SLC24A2: variants seen among roughly 807,000 people sequenced by gnomAD.
SLC24A2 encodes the protein solute carrier family 24 member 2, also known as sodium/potassium/calcium exchanger 2.
Under a neutral mutation model 62.0 loss-of-function variants are expected in SLC24A2, and 36 were observed. The ratio of observed to expected loss-of-function variants is 0.58; its 90% confidence interval spans 0.44 to 0.77. The LOEUF is 0.77. Among genes scored for constraint, SLC24A2 ranks in the 30% least tolerant of loss-of-function variants. The pLI is 0.00. For synonymous variants in SLC24A2, 358 were observed against 294.0 expected (o/e 1.22, Z -2.23); for missense variants, 846 against 817.9 (o/e 1.03, Z -0.42).
chr9:20,205,832 T>TG, the SLC24A2 span, among the ~76,000 whole-genome samples: 2 of 152,190 alleles, frequency 1.3e-5, no homozygotes, highest in African/African-American at 2.4e-5. Flanking sequence ...GCTAGAATTT[T>TG]GGAAAACTCA....
the SLC24A2 span, among the ~76,000 whole-genome samples, chr9:20,074,226 G>A: frequency 6.6e-6 from 1 of 151,926 alleles, no homozygotes. Flanking sequence ...GCAGGAGACT[G>A]TGGTATGAGT....
rs1832849377 is a variant in SLC24A2, at chr9:19,514,401, C to T, written c.*1752G>A. 1 of 152,110 alleles carries T rather than the reference C, an allele frequency of 6.6e-6. No individual in the cohort carries two copies. The highest frequency in any genetic ancestry group is 2.4e-5 in the African/African-American group (1 of 41,412). 9.4% of individuals were successfully genotyped at this position (152,110 alleles called of 1,614,324 possible). A position where few individuals can be genotyped will look rare whatever the true frequency, so the allele number is the denominator to read the frequency against. On this transcript the variant is annotated 3_prime_UTR_variant, in exon 11 of 11. Transcript: ENST00000341998. ...TACCAACTTAGACGTAGGATGGGTA[C>T]AGAATAATGAACCATCCTTGATTCA...
At chr9:20,101,265 G>C in the SLC24A2 span, among the ~76,000 whole-genome samples, 1 of 152,230 alleles carries the variant, frequency 6.6e-6, no homozygotes, top group African/African-American at 2.4e-5. Flanking sequence ...GATGCTGGAG[G>C]AATAGAAGTG....
At chr9:19,547,574 C>T (rs1469532797) in intron 8 of SLC24A2, among the ~76,000 whole-genome samples, 1 of 147,550 alleles carries the variant, frequency 6.8e-6, no homozygotes, top group African/African-American at 2.7e-5. Context: ...CTTTGCCAGC[C>T]CTTTCTCTGA....
At chr9:19,698,551 C>T (rs1820260512) in intron 2 of SLC24A2, among the ~76,000 whole-genome samples, 1 of 152,196 alleles carries the variant, frequency 6.6e-6, no homozygotes, top group Non-Finnish European at 1.5e-5. Context: ...TCTCCTTCAG[C>T]TCTAATATTT....
At chr9:20,220,602 C>T in the SLC24A2 span, among the ~76,000 whole-genome samples, 2 of 152,090 alleles carry the variant, frequency 1.3e-5, no homozygotes, top group African/African-American at 4.8e-5. Flanking sequence ...TATCATAAAC[C>T]CAGAAAGGCA....
chr9:19,518,919 C>T (rs1305902779), intron 10 of SLC24A2, among the ~76,000 whole-genome samples: 1 of 152,040 alleles, frequency 6.6e-6, no homozygotes, highest in Non-Finnish European at 1.5e-5. Context: ...CATGTCAATA[C>T]CCATTAAGAT....
chr9:19,724,149 T>C (rs1821106387), intron 2 of SLC24A2, among the ~76,000 whole-genome samples: 2 of 152,188 alleles, frequency 1.3e-5, no homozygotes, highest in Admixed American at 1.3e-4. Context: ...ATGTTAATGC[T>C]TTTGGAGAAG....
chr9:19,797,458 G>T, the SLC24A2 span, among the ~76,000 whole-genome samples: 1 of 152,138 alleles, frequency 6.6e-6, no homozygotes, highest in East Asian at 1.9e-4. Context: ...TACGAATCAG[G>T]CATTAAAATG....
the SLC24A2 span, among the ~76,000 whole-genome samples, chr9:20,286,729 C>T: frequency 6.6e-6 from 1 of 152,106 alleles, no homozygotes; most frequent in Non-Finnish European, 1.5e-5. Context: ...TAAATCATGA[C>T]ACTTGGGGAA....
chr9:19,766,526 T>C lies in SLC24A2; in HGVS notation c.930+19411A>G, dbSNP rs147578302. On this transcript the variant is annotated intron_variant, in intron 2 of 10. Coordinates refer to ENST00000341998, the MANE Select transcript of SLC24A2 (RefSeq NM_020344.4). ...TTGATGTTGATGCTATTGCTTTCTG[T>C]TTGTTAGTTTTCCTCCTAACAGACA... Among the ~76,000 whole-genome samples, 505 of 152,332 alleles carry C rather than the reference T, an allele frequency of 3.3e-3. 4 individuals carry two copies. Among genetic ancestry groups the C allele is most frequent in the African/African-American group, 0.011 (471 of 41,568 alleles).
chr9:19,716,925 C>G (rs771748414), intron 2 of SLC24A2, among the ~76,000 whole-genome samples: 21 of 152,184 alleles, frequency 1.4e-4, no homozygotes, highest in Non-Finnish European at 2.4e-4. Context: ...TTTGTATGCT[C>G]AAAGGCTGGG....
the SLC24A2 span, among the ~76,000 whole-genome samples, chr9:19,969,318 C>T: frequency 6.6e-6 from 1 of 151,872 alleles, no homozygotes; most frequent in Non-Finnish European, 1.5e-5. Flanking sequence ...AAAACCTAAA[C>T]TTCAGAACTT....
chr9:19,975,075 G>A, the SLC24A2 span, among the ~76,000 whole-genome samples: 1 of 152,112 alleles, frequency 6.6e-6, no homozygotes, highest in Non-Finnish European at 1.5e-5. Context: ...CATCCCTAAG[G>A]GAGGGTAATG....
At chr9:20,228,423 G>A in the SLC24A2 span, among the ~76,000 whole-genome samples, 6 of 152,008 alleles carry the variant, frequency 3.9e-5, no homozygotes, top group Admixed American at 2.6e-4. Context: ...AAGGAACACT[G>A]ATGATGGAGC....
chr9:19,588,597 T>C (rs1422091487), intron 5 of SLC24A2, among the ~76,000 whole-genome samples: 1 of 152,160 alleles, frequency 6.6e-6, no homozygotes, highest in Non-Finnish European at 1.5e-5. Context: ...AAGGTAGTTG[T>C]TATATTACAA....
chr9:20,164,840 T>C, the SLC24A2 span, among the ~76,000 whole-genome samples: 1 of 151,732 alleles, frequency 6.6e-6, no homozygotes, highest in Non-Finnish European at 1.5e-5. Context: ...TTTAGGGACA[T>C]GGATGAAATT....
the SLC24A2 span, among the ~76,000 whole-genome samples, chr9:20,066,605 T>A: frequency 2.0e-5 from 3 of 152,344 alleles, no homozygotes; most frequent in Non-Finnish European, 2.9e-5. Flanking sequence ...TATGACATAT[T>A]TATCTTTCTT....
the SLC24A2 span, among the ~76,000 whole-genome samples, chr9:20,307,892 G>A: frequency 1.3e-5 from 2 of 152,052 alleles, no homozygotes; most frequent in African/African-American, 4.8e-5. Flanking sequence ...GATTTACCAG[G>A]TCCCTCTCAT....
Sources: allele counts gnomAD v4.1 joint callset (sites outside exome capture counted in the v4.1 genomes callset), GRCh38; gene constraint gnomAD v4.1.1; transcripts MANE v1.5; gene names NCBI Gene and HGNC (gene_info 2026-07-23, HGNC 2026-07-21).